Variants in UTRN observed in about 807,000 individuals in gnomAD.
The protein encoded by UTRN is dystrophin-related protein 1.
Under a neutral mutation model 463.9 loss-of-function variants are expected in UTRN, and 283 were observed. The observed-to-expected ratio is 0.61, with a 90% CI of 0.55 to 0.67. The LOEUF is 0.67. Ranked by LOEUF, UTRN falls within the 30% of genes least tolerant of loss-of-function variation. The probability of loss-of-function intolerance (pLI) is 0.00; values close to 1 mark genes in which losing one functional copy is unlikely to be tolerated. For missense variants in UTRN, 3,922 were observed against 4,084.3 expected (o/e 0.96, Z 1.08); for synonymous variants, 1,442 against 1,431.5 (o/e 1.01, Z -0.17).
chr6:144,566,534 T>C (rs955572471), intron 50 of UTRN, among the ~76,000 whole-genome samples: 5 of 152,124 alleles, frequency 3.3e-5, no homozygotes, highest in African/African-American at 9.7e-5. Flanking sequence ...TGGTCCATAA[T>C]AGTGTCTAAT....
intron 6 of UTRN, among the ~76,000 whole-genome samples, chr6:144,425,841 A>C (rs1406594570): frequency 1.3e-5 from 2 of 152,226 alleles, no homozygotes; most frequent in African/African-American, 4.8e-5. Flanking sequence ...ATAAAATGTT[A>C]GTTCTAGAGT....
In UTRN at chr6:144,458,791, T is replaced by C. The variant is rs777692126; in HGVS notation, c.2306T>C (p.Ile769Thr). The change falls in exon 20 of 75, where the codon ATA (isoleucine) becomes ACA (threonine). Residue 769 changes from isoleucine (I) to threonine (T), a missense_variant. Physicochemically the swap from Ile to Thr is moderately conservative, Grantham distance 89. Transcript: ENST00000367545. ...MGKEGLPTEEIKNVLEKVSSE... is the reference protein window; with the variant it reads ...MGKEGLPTEETKNVLEKVSSE... Reference sequence around the variant, plus strand: ...ATAGAAGGCCTTCCTACTGAAGAAATAAAAAATGTTCTGGAGAAGGTTTCA... The same window carrying C: ...ATAGAAGGCCTTCCTACTGAAGAAACAAAAAATGTTCTGGAGAAGGTTTCA... The C allele has an allele frequency of 1.2e-6, 2 of 1,601,452 alleles. No homozygotes were observed. Among genetic ancestry groups the C allele is most frequent in the South Asian group, 2.3e-5 (2 of 87,952 alleles).
chr6:144,572,658 T>G (rs962961531), intron 50 of UTRN, among the ~76,000 whole-genome samples: 1 of 152,204 alleles, frequency 6.6e-6, no homozygotes, highest in Non-Finnish European at 1.5e-5. Flanking sequence ...TTTGGTTTTA[T>G]GTTCCTGTGT....
intron 2 of UTRN, among the ~76,000 whole-genome samples, chr6:144,389,060 G>C (rs762806066): frequency 6.6e-6 from 1 of 152,170 alleles, no homozygotes; most frequent in Non-Finnish European, 1.5e-5. Context: ...ATGTTCCCAA[G>C]GTGGTCAGAG....
At chr6:144,507,833 G>A (rs1025738218) in intron 34 of UTRN, among the ~76,000 whole-genome samples, 13 of 152,208 alleles carry the variant, frequency 8.5e-5, no homozygotes, top group African/African-American at 2.7e-4. Flanking sequence ...CAGCAGGCAG[G>A]AACATTTAAG....
At chr6:144,292,146 A>G (rs1804301804) in intron 2 of UTRN, among the ~76,000 whole-genome samples, 1 of 152,194 alleles carries the variant, frequency 6.6e-6, no homozygotes, top group Non-Finnish European at 1.5e-5. Flanking sequence ...GCTTGTAGCT[A>G]AAGGTTGTTC....
chr6:144,534,698 C>G (rs1797374037), intron 43 of UTRN, among the ~76,000 whole-genome samples: 1 of 151,882 alleles, frequency 6.6e-6, no homozygotes, highest in Admixed American at 6.6e-5. Flanking sequence ...ACTGAAGATA[C>G]AAGTATGATT....
intron 48 of UTRN, among the ~76,000 whole-genome samples, chr6:144,553,915 C>CA (rs397886619): frequency 0.2 from 20,027 of 99,456 alleles, 1,816 homozygotes; most frequent in South Asian, 0.37. Context: ...GACTCTCTCT[C>CA]AAAAAAAAAA....
intron 51 of UTRN, among the ~76,000 whole-genome samples, chr6:144,600,328 G>T (rs1804112192): frequency 6.6e-6 from 1 of 152,226 alleles, no homozygotes; most frequent in Admixed American, 6.5e-5. Context: ...TCAAAAGCCA[G>T]GCAGGCCTCT....
intron 18 of UTRN, among the ~76,000 whole-genome samples, chr6:144,452,170 A>T (rs1380530856): frequency 1.3e-5 from 2 of 152,196 alleles, no homozygotes; most frequent in Non-Finnish European, 2.9e-5. Flanking sequence ...TTCGATGGTG[A>T]CTTTTACATT....
At chr6:144,636,913 G>A (rs562673801) in intron 51 of UTRN, among the ~76,000 whole-genome samples, 17 of 151,982 alleles carry the variant, frequency 1.1e-4, no homozygotes, top group African/African-American at 3.9e-4. Flanking sequence ...TTTTTTTATT[G>A]GTAACTATTT....
At chr6:144,670,698 G>T (rs575462958) in intron 51 of UTRN, among the ~76,000 whole-genome samples, 1 of 152,084 alleles carries the variant, frequency 6.6e-6, no homozygotes, top group Non-Finnish European at 1.5e-5. Flanking sequence ...TCTTGGTCAT[G>T]AAGTCTTTGC....
chr6:144,523,303 A>G, intron 41 of UTRN, 115 bp downstream of exon 41: 2 of 834,152 alleles, frequency 2.4e-6, no homozygotes, highest in Non-Finnish European at 3.3e-6. Flanking sequence ...TCCTTGTAGG[A>G]TGCCCTATTA....
rs1462778304 is a variant in UTRN, at chr6:144,577,298, T to C, written c.7479+10T>C. 6.2e-7 allele frequency: 1 copy of C among 1,612,956 alleles called. No individual in the cohort carries two copies. The highest frequency in any genetic ancestry group is 2.2e-5 in the East Asian group (1 of 44,830). ...CAAACAGCAGATGCAGGTAAGTGCA[T>C]GGGAAACCACACCAGTACCTGTGTT... is the stretch of plus-strand genomic sequence containing the variant. On this transcript the variant is annotated intron_variant, in intron 51 of 74. Coordinates refer to ENST00000367545, the MANE Select transcript of UTRN (RefSeq NM_007124.3).
chr6:144,638,033 T>A (rs1777368684), intron 51 of UTRN, among the ~76,000 whole-genome samples: 1 of 152,248 alleles, frequency 6.6e-6, no homozygotes, highest in Non-Finnish European at 1.5e-5. Context: ...TGTATTTGTA[T>A]AGCTTCAGTG....
At chr6:144,677,684 C>T (rs1409544144) in intron 51 of UTRN, among the ~76,000 whole-genome samples, 3 of 152,168 alleles carry the variant, frequency 2.0e-5, no homozygotes, top group African/African-American at 4.8e-5. Flanking sequence ...CTTGAGGAAT[C>T]GCCACACTGT....
At chr6:144,522,909 C>A in intron 40 of UTRN, 107 bp from the exon 41 acceptor site, 1 of 916,476 alleles carries the variant, frequency 1.1e-6, no homozygotes, top group Non-Finnish European at 1.6e-6. Context: ...GATTATGTCT[C>A]ATTATTATTT....
At chr6:144,515,948 G>A (rs369193979) in intron 37 of UTRN, among the ~76,000 whole-genome samples, 1 of 152,124 alleles carries the variant, frequency 6.6e-6, no homozygotes, top group African/African-American at 2.4e-5. Flanking sequence ...TGCTATGCTC[G>A]CATGTGGTCT....
chr6:144,733,992 G>T (rs1204922242), intron 54 of UTRN, among the ~76,000 whole-genome samples: 1 of 152,114 alleles, frequency 6.6e-6, no homozygotes, highest in Non-Finnish European at 1.5e-5. Flanking sequence ...GTTTGATGAA[G>T]AGTACATGAC....
Sources: gnomAD v4.1 joint callset for allele counts (sites outside exome capture counted in the v4.1 genomes callset) on GRCh38, gnomAD v4.1.1 for gene constraint, MANE v1.5 for transcripts, NCBI Gene and HGNC (gene_info 2026-07-23, HGNC 2026-07-21) for gene names.